Variants in B3GALT5 observed in about 807,000 individuals in gnomAD.
B3GALT5 encodes beta-1,3-galactosyltransferase 5, also known as UDP-Gal:betaGlcNAc beta 1,3-galactosyltransferase, polypeptide 5.
For synonymous variants in B3GALT5, 156 were observed against 158.6 expected (o/e 0.98, Z 0.12); for missense variants, 328 against 396.6 (o/e 0.83, Z 1.47).
intron 1 of B3GALT5, among the ~76,000 whole-genome samples, chr21:39,633,357 C>A (rs1359650231): frequency 6.6e-6 from 1 of 152,068 alleles, no homozygotes; most frequent in Non-Finnish European, 1.5e-5. Context: ...ACATTCATTT[C>A]CTTGGTTCTT....
In B3GALT5 at chr21:39,666,095, C is replaced by T. The variant is rs1385917528; in HGVS notation, c.*4603C>T. On this transcript the variant is annotated 3_prime_UTR_variant, in exon 4 of 4. Transcript: ENST00000684187. ...AAAGTAAGCCAACACTGTGGTTTCA[C>T]TTGAGTCAGTAAGTAGGAAATGGGT... is the stretch of plus-strand genomic sequence containing the variant. 6.6e-6 allele frequency: 1 copy of T among 152,230 alleles called. No homozygotes were observed. The highest frequency in any genetic ancestry group is 1.9e-4 in the East Asian group (1 of 5,194). The allele number at this position is 152,230 out of a possible 1,614,324, so 9.4% of individuals were successfully genotyped here. A position where few individuals can be genotyped will look rare whatever the true frequency, so the allele number is the denominator to read the frequency against.
intron 1 of B3GALT5, among the ~76,000 whole-genome samples, chr21:39,627,447 T>C (rs945234918): frequency 6.6e-6 from 1 of 152,166 alleles, no homozygotes; most frequent in Non-Finnish European, 1.5e-5. Context: ...GGAAATCACA[T>C]GAAAAGTACT....
At chr21:39,660,527 T>G (rs549131947) in intron 3 of B3GALT5, 33 bp from the exon 4 acceptor site, 28 of 1,392,856 alleles carry the variant, frequency 2.0e-5, no homozygotes, top group Non-Finnish European at 2.5e-5. Context: ...CTCATGCTTT[T>G]GAGGTCTAAT....
At chr21:39,635,878 T>C (rs1015592069) in intron 1 of B3GALT5, among the ~76,000 whole-genome samples, 13 of 152,368 alleles carry the variant, frequency 8.5e-5, no homozygotes, top group Non-Finnish European at 8.8e-5. Flanking sequence ...GTTCTGTGCA[T>C]GTGCTCTTAG....
At chr21:39,641,615 CAT>C (rs1250160241) in intron 1 of B3GALT5, among the ~76,000 whole-genome samples, 1 of 152,082 alleles carries the variant, frequency 6.6e-6, no homozygotes, top group African/African-American at 2.4e-5. Flanking sequence ...TTTGCATAAC[CAT>C]TGTTAAGTCT....
intron 2 of B3GALT5, among the ~76,000 whole-genome samples, chr21:39,652,129 A>G (rs1232579487): frequency 2.0e-5 from 3 of 152,162 alleles, no homozygotes; most frequent in Non-Finnish European, 4.4e-5. Flanking sequence ...TCCTTGTAGC[A>G]GCAGGTGCCC....
intron 1 of B3GALT5, among the ~76,000 whole-genome samples, chr21:39,616,123 G>A (rs2079106232): frequency 6.6e-6 from 1 of 152,088 alleles, no homozygotes; most frequent in Non-Finnish European, 1.5e-5. Context: ...ACAGGCAGGA[G>A]CATTGCTTGA....
intron 2 of B3GALT5, among the ~76,000 whole-genome samples, chr21:39,653,944 G>A (rs2079417828): frequency 6.6e-6 from 1 of 152,146 alleles, no homozygotes; most frequent in Non-Finnish European, 1.5e-5. Context: ...GACTTTCCCT[G>A]GTCAAGGTAC....
chr21:39,638,725 G>A (rs1321204315), intron 1 of B3GALT5, among the ~76,000 whole-genome samples: 3 of 152,282 alleles, frequency 2.0e-5, no homozygotes, highest in African/African-American at 2.4e-5. Context: ...CACTGGGGCC[G>A]CAGCAGTAAA....
At chr21:39,624,259 T>G (rs2079152408) in intron 1 of B3GALT5, among the ~76,000 whole-genome samples, 1 of 152,202 alleles carries the variant, frequency 6.6e-6, no homozygotes, top group Non-Finnish European at 1.5e-5. Context: ...TTCTGGTGTT[T>G]TTGGTGTTTT....
Position 39,661,411 on chromosome 21 carries a change from C to A in B3GALT5, c.852C>A (p.Cys284Ter). 6.4e-7 allele frequency: 1 copy of A among 1,558,650 alleles called. No individual in the cohort carries two copies. The highest frequency in any genetic ancestry group is 8.7e-7 in the Non-Finnish European group (1 of 1,154,402). The change falls in exon 4 of 4, where the codon TGC (cysteine) becomes TGA (stop). Residue 284 changes from cysteine to a stop codon, truncating the protein, a stop_gained. Transcript: ENST00000684187. LOFTEE classifies it low-confidence loss of function (END_TRUNC). This position sits in a 1 kb window ranked among gnomAD's most constrained non-coding sequence, Gnocchi z 4.7. ...SVCLFRRIVA[C>*]HFIKPRTLLD... is the part of the protein sequence containing the mutation. ...GCCTCTTCAGGAGGATCGTGGCCTG[C>A]CACTTCATCAAGCCTCGGACTCTCT... is the stretch of plus-strand genomic sequence containing the variant.
intron 2 of B3GALT5, among the ~76,000 whole-genome samples, chr21:39,656,645 C>A (rs1029371349): frequency 5.9e-5 from 9 of 152,124 alleles, no homozygotes; most frequent in Non-Finnish European, 1.0e-4. Flanking sequence ...TCCAGACCCC[C>A]CCTTCAGTTT....
rs555310043 is a variant in B3GALT5 at position 39,670,822 on chromosome 21, T to C, written c.*9330T>C. 1.3e-5 allele frequency: 2 copies of C among 152,342 alleles called. No individual in the cohort carries two copies. Among genetic ancestry groups the C allele is most frequent in the East Asian group, 1.9e-4 (1 of 5,196 alleles). The allele number at this position is 152,342 out of a possible 1,614,324, so 9.4% of individuals were successfully genotyped here. On this transcript the variant is annotated 3_prime_UTR_variant, in exon 4 of 4. Transcript: ENST00000684187. Reference sequence around the variant, plus strand: ...TATATTAAATCAGGCTTGTTAATTATTTAATCTAACAGCTGCCATGCACCC... The same window carrying C: ...TATATTAAATCAGGCTTGTTAATTACTTAATCTAACAGCTGCCATGCACCC...
intron 1 of B3GALT5, among the ~76,000 whole-genome samples, chr21:39,628,090 A>G (rs1178097927): frequency 2.0e-5 from 3 of 152,220 alleles, no homozygotes; most frequent in East Asian, 3.9e-4. Flanking sequence ...CAAGGGAGAA[A>G]TTACGTGTGC....
intron 2 of B3GALT5, among the ~76,000 whole-genome samples, chr21:39,648,720 A>G (rs1461117427): frequency 2.0e-5 from 3 of 152,194 alleles, no homozygotes; most frequent in South Asian, 2.1e-4. Flanking sequence ...TCTCCTTACA[A>G]TTCCTGTGTT....
chr21:39,632,835 C>G (rs900520007), intron 1 of B3GALT5, among the ~76,000 whole-genome samples: 1 of 152,050 alleles, frequency 6.6e-6, no homozygotes, highest in Non-Finnish European at 1.5e-5. Context: ...GGATGGAGCC[C>G]GGGGATGCAG....
intron 1 of B3GALT5, among the ~76,000 whole-genome samples, chr21:39,615,265 A>C (rs1307562547): frequency 6.6e-6 from 1 of 152,110 alleles, no homozygotes. Flanking sequence ...GAGTTTTGAC[A>C]ACACTTCTTT....
intron 1 of B3GALT5, among the ~76,000 whole-genome samples, chr21:39,644,849 G>T (rs2079321960): frequency 7.0e-6 from 1 of 143,358 alleles, no homozygotes; most frequent in Admixed American, 6.9e-5. Context: ...CCCAGCACTG[G>T]CCTCCCCAGG....
intron 1 of B3GALT5, among the ~76,000 whole-genome samples, chr21:39,628,607 A>G (rs1302803124): frequency 6.6e-6 from 1 of 152,184 alleles, no homozygotes; most frequent in Non-Finnish European, 1.5e-5. Context: ...CTCATACACA[A>G]CCATGTCAGT....
Sources: gnomAD v4.1 joint callset for allele counts (sites outside exome capture counted in the v4.1 genomes callset) on GRCh38, gnomAD v4.1.1 for gene constraint, Gnocchi (gnomAD v3.1) non-coding constraint, MANE v1.5 for transcripts, NCBI Gene and HGNC (gene_info 2026-07-23, HGNC 2026-07-21) for gene names.